The following SGCG variants were observed in gnomAD, a reference collection of about 807,000 sequenced individuals.
The protein encoded by SGCG is sarcoglycan gamma.
A neutral mutation model predicts 29.3 loss-of-function variants in SGCG; 26 were observed. That is an observed-to-expected ratio of 0.89 (90% CI 0.65 to 1.23). The LOEUF is 1.23. SGCG is among the 50% of genes most tolerant of loss of function. The probability of loss-of-function intolerance (pLI) is 0.00; values close to 1 mark genes in which losing one functional copy is unlikely to be tolerated. For synonymous variants in SGCG, 145 were observed against 129.7 expected, an observed-to-expected ratio of 1.12 and a Z score of -0.80; for missense variants, 353 against 356.0, an observed-to-expected ratio of 0.99 and a Z score of 0.07.
chr13:23,223,283 A>C (rs1878753207), intron 2 of SGCG, among the ~76,000 whole-genome samples: 2 of 124,910 alleles, frequency 1.6e-5, no homozygotes, highest in African/African-American at 2.6e-5. Context: ...TCACAAAAAA[A>C]AAAAAAAAAA....
intron 4 of SGCG, among the ~76,000 whole-genome samples, chr13:23,258,958 A>C (rs1253728730): frequency 2.6e-5 from 4 of 152,112 alleles, no homozygotes; most frequent in Non-Finnish European, 5.9e-5. Context: ...CCAGTATTTT[A>C]TTGAGGATTT....
chr13:23,321,317 T>C (rs1178589960), intron 7 of SGCG, among the ~76,000 whole-genome samples: 1 of 152,194 alleles, frequency 6.6e-6, no homozygotes, highest in Non-Finnish European at 1.5e-5. Flanking sequence ...AGACCCCTAC[T>C]GGAAGCCTAA....
intron 2 of SGCG, among the ~76,000 whole-genome samples, chr13:23,216,146 T>A (rs1156710080): frequency 6.6e-6 from 1 of 152,138 alleles, no homozygotes; most frequent in East Asian, 1.9e-4. Context: ...CAGCTTGACC[T>A]AGTGCAAATC....
At chr13:23,259,249 A>C (rs1184932938) in intron 4 of SGCG, among the ~76,000 whole-genome samples, 1 of 152,088 alleles carries the variant, frequency 6.6e-6, no homozygotes, top group Non-Finnish European at 1.5e-5. Flanking sequence ...CAGGGATTCA[A>C]CTTCTTCCTG....
At chr13:23,293,528 G>A (rs1181682179) in intron 5 of SGCG, among the ~76,000 whole-genome samples, 3 of 152,080 alleles carry the variant, frequency 2.0e-5, no homozygotes, top group African/African-American at 7.2e-5. Flanking sequence ...AAATGTGAAG[G>A]TACTGTGAAC....
chr13:23,173,938 G>T, the SGCG span, among the ~76,000 whole-genome samples: 10 of 152,132 alleles, frequency 6.6e-5, no homozygotes, highest in Admixed American at 1.3e-4. Flanking sequence ...GTCTCTGCAG[G>T]AACTCTTAAT....
chr13:23,316,789 A>G (rs747346743), intron 6 of SGCG, among the ~76,000 whole-genome samples: 3 of 152,160 alleles, frequency 2.0e-5, no homozygotes, highest in African/African-American at 7.2e-5. Context: ...AGACACAACA[A>G]TGATTCCATT....
At chr13:23,315,331 CA>C (rs1310074859) in intron 6 of SGCG, among the ~76,000 whole-genome samples, 4 of 152,206 alleles carry the variant, frequency 2.6e-5, no homozygotes, top group African/African-American at 9.6e-5. Flanking sequence ...TCGTGCACAA[CA>C]GCATTCCATC....
intron 3 of SGCG, among the ~76,000 whole-genome samples, chr13:23,236,512 C>T (rs1435985336): frequency 6.6e-6 from 1 of 151,946 alleles, no homozygotes. Flanking sequence ...CCCGTCTCTA[C>T]TAAAAATACA....
chr13:23,260,128 A>G (rs1290263744), intron 4 of SGCG, among the ~76,000 whole-genome samples: 2 of 152,120 alleles, frequency 1.3e-5, no homozygotes, highest in African/African-American at 2.4e-5. Flanking sequence ...TGATCTGTCT[A>G]ATATTGACAG....
At chr13:23,243,876 T>G (rs942965914) in intron 3 of SGCG, 3 of 152,204 alleles carry the variant, frequency 2.0e-5, no homozygotes, top group Non-Finnish European at 4.4e-5. Context: ...CTCATTATCA[T>G]GCTAATTATT....
chr13:23,225,463 A>G (rs1878858458), intron 2 of SGCG, among the ~76,000 whole-genome samples: 1 of 152,124 alleles, frequency 6.6e-6, no homozygotes, highest in Non-Finnish European at 1.5e-5. Context: ...ACTTGGACTC[A>G]TAATTTCCAA....
At chr13:23,187,470 G>A (rs12429406) in intron 1 of SGCG, among the ~76,000 whole-genome samples, 12 of 152,258 alleles carry the variant, frequency 7.9e-5, no homozygotes, top group Admixed American at 7.8e-4. Flanking sequence ...CTGTAGCTTT[G>A]TCAGCGAGGA....
At position 23,324,735 on chromosome 13, in the gene SGCG, A is replaced by G; in HGVS notation, c.*194A>G. 1.7e-6 allele frequency: 1 copy of G among 604,456 alleles called. No homozygotes were observed. The highest frequency in any genetic ancestry group is 3.0e-6 in the Non-Finnish European group (1 of 337,484). The allele number at this position is 604,456 out of a possible 1,614,324, so 37.4% of individuals were successfully genotyped here. ...TGATCTCAAAATGCACGTGGATGTG[A>G]GACACAAAAGTTGACAAAATGGAAA... On this transcript the variant is annotated 3_prime_UTR_variant, in exon 8 of 8. Transcript: ENST00000218867.
chr13:23,236,673 G>A (rs1248774887), intron 3 of SGCG, among the ~76,000 whole-genome samples: 7 of 151,196 alleles, frequency 4.6e-5, no homozygotes, highest in African/African-American at 1.5e-4. Flanking sequence ...GTGAGACTCC[G>A]TCTCCAAAAA....
intron 4 of SGCG, among the ~76,000 whole-genome samples, chr13:23,259,457 C>T (rs890695420): frequency 2.0e-5 from 3 of 151,758 alleles, no homozygotes; most frequent in East Asian, 3.9e-4. Context: ...GTGTTCCTAG[C>T]GGTCTATCAA....
In SGCG at chr13:23,262,872, T is replaced by C. The variant is rs9552896; in HGVS notation, c.385+12155T>C. Among the ~76,000 whole-genome samples the C allele has an allele frequency of 0.016, 2,423 of 152,080 alleles. 221 individuals are homozygous for C. The East Asian group carries it at 0.25, about 15-fold the overall frequency. ...AAAGAAACCCTCAAAATTATACAAA[T>C]GTATGGAAATTACAGAATCTGCTCC... On this transcript the variant is annotated intron_variant, in intron 4 of 7. Transcript: ENST00000218867.
chr13:23,177,267 G>T (rs1876587102), upstream of SGCG, among the ~76,000 whole-genome samples: 1 of 152,078 alleles, frequency 6.6e-6, no homozygotes, highest in Non-Finnish European at 1.5e-5. Flanking sequence ...TAAAAAGTTA[G>T]AATTAGAAAG....
chr13:23,169,456 G>A, the SGCG span, among the ~76,000 whole-genome samples: 7 of 151,792 alleles, frequency 4.6e-5, no homozygotes, highest in East Asian at 1.4e-3. Context: ...CGAGGCGGGT[G>A]GATCACGAGG....
Sources: gnomAD v4.1 joint callset for allele counts (sites outside exome capture counted in the v4.1 genomes callset) on GRCh38, gnomAD v4.1.1 for gene constraint, MANE v1.5 for transcripts, NCBI Gene and HGNC (gene_info 2026-07-23, HGNC 2026-07-21) for gene names.